GPC6: variants seen among roughly 807,000 people sequenced by gnomAD.
The protein encoded by GPC6 is glypican 6.
A neutral mutation model predicts 55.2 loss-of-function variants in GPC6; 14 were observed. That is an observed-to-expected ratio of 0.25 (90% CI 0.17 to 0.40). GPC6 has a LOEUF of 0.40. Among genes scored for constraint, GPC6 ranks in the 10% least tolerant of loss-of-function variants. GPC6 has a pLI of 1.00. For synonymous variants in GPC6, 278 were observed against 259.6 expected, an observed-to-expected ratio of 1.07 and a Z score of -0.68; for missense variants, 641 against 708.5, an observed-to-expected ratio of 0.90 and a Z score of 1.08.
intron 2 of GPC6, among the ~76,000 whole-genome samples, chr13:93,812,161 T>TGGGGG (rs1886716201): frequency 3.4e-5 from 1 of 29,604 alleles, no homozygotes; most frequent in Non-Finnish European, 6.6e-5. Context: ...GGGCGGGGGG[T>TGGGGG]GGGTGGATCA....
chr13:93,310,178 T>C (rs1003621107), intron 1 of GPC6, among the ~76,000 whole-genome samples: 9 of 152,224 alleles, frequency 5.9e-5, no homozygotes, highest in Non-Finnish European at 1.2e-4. Flanking sequence ...ACTTGATTAC[T>C]CTCTGTGACC....
At chr13:93,687,499 A>C (rs919259231) in intron 2 of GPC6, among the ~76,000 whole-genome samples, 1 of 152,090 alleles carries the variant, frequency 6.6e-6, no homozygotes, top group African/African-American at 2.4e-5. Context: ...TTGGTGTGCT[A>C]TATTAAGTAG....
chr13:93,684,104 G>A (rs1453899066), intron 2 of GPC6, among the ~76,000 whole-genome samples: 1 of 152,080 alleles, frequency 6.6e-6, no homozygotes, highest in African/African-American at 2.4e-5. Flanking sequence ...ATATGAAATT[G>A]GCAGAACACA....
chr13:93,802,541 G>C (rs1886408558), intron 2 of GPC6, among the ~76,000 whole-genome samples: 1 of 152,000 alleles, frequency 6.6e-6, no homozygotes, highest in Admixed American at 6.6e-5. Context: ...AGGATTAAAG[G>C]TGTATAACCA....
At chr13:93,269,930 T>TGATATGAGTAAGTTTAAAAGA (rs558065125) in intron 1 of GPC6, among the ~76,000 whole-genome samples, 49 of 144,022 alleles carry the variant, frequency 3.4e-4, no homozygotes, top group African/African-American at 9.3e-4. Flanking sequence ...ATGTGTGGTA[T>TGATATGAGTAAGTTTAAAAGA]GATATGAGTA....
chr13:93,741,117 CTTTTTTTTTTTTTTTT>C (rs772541106), intron 2 of GPC6, among the ~76,000 whole-genome samples: 1 of 77,184 alleles, frequency 1.3e-5, no homozygotes, highest in African/African-American at 5.1e-5. Context: ...CATCCAGAAT[CTTTTTTTTTTTTTTTT>C]TTTTTTTTGA....
intron 1 of GPC6, among the ~76,000 whole-genome samples, chr13:93,415,448 A>AT (rs1397882438): frequency 6.6e-6 from 1 of 151,998 alleles, no homozygotes; most frequent in African/African-American, 2.4e-5. Context: ...TTTTCTTAAT[A>AT]TTTTTATCGT....
At chr13:93,612,044 A>G (rs1006632228) in intron 2 of GPC6, among the ~76,000 whole-genome samples, 7 of 152,238 alleles carry the variant, frequency 4.6e-5, no homozygotes, top group Admixed American at 6.5e-5. Flanking sequence ...ACTGCTTAGT[A>G]AGGATACTAA....
chr13:93,377,187 T>C (rs1195446557), intron 1 of GPC6, among the ~76,000 whole-genome samples: 2 of 152,156 alleles, frequency 1.3e-5, no homozygotes, highest in African/African-American at 4.8e-5. Context: ...GGGTACTTCA[T>C]GCTTAGGGTA....
intron 3 of GPC6, among the ~76,000 whole-genome samples, chr13:93,866,444 A>C (rs562742681): frequency 6.6e-6 from 1 of 151,814 alleles, no homozygotes; most frequent in Admixed American, 6.6e-5. Context: ...CGCCGTTCGC[A>C]ATAGCAAAGA....
chr13:94,288,965 A>C (rs1210574132), intron 5 of GPC6, among the ~76,000 whole-genome samples: 2 of 139,878 alleles, frequency 1.4e-5, no homozygotes, highest in African/African-American at 2.8e-5. Flanking sequence ...ATAGATAGAT[A>C]GATAGATAAT....
chr13:93,793,553 G>A lies in GPC6; in HGVS notation c.320-36601G>A, dbSNP rs1886110872. On this transcript the variant is annotated intron_variant, in intron 2 of 8. Transcript: ENST00000377047. ...ATTCTCTTTCCTTGTGCACTACATT[G>A]TGCTGAGGGCTAGTGCACAAAGAGA... Among the ~76,000 whole-genome samples the A allele has an allele frequency of 2.6e-5, 4 of 151,856 alleles. No individual in the cohort carries two copies. The South Asian group carries it at 8.3e-4, about 32-fold the overall frequency.
intron 6 of GPC6, among the ~76,000 whole-genome samples, chr13:94,346,069 T>A (rs1878273427): frequency 1.6e-5 from 2 of 126,082 alleles, no homozygotes; most frequent in African/African-American, 6.3e-5. Context: ...TCACATGGCA[T>A]TTCCCTGCAT....
chr13:93,691,834 T>C (rs894988858), intron 2 of GPC6, among the ~76,000 whole-genome samples: 6 of 152,054 alleles, frequency 3.9e-5, no homozygotes, highest in African/African-American at 1.4e-4. Context: ...ACTTGTTCAG[T>C]AATCAAAAAA....
chr13:93,795,617 T>A (rs1482131068), intron 2 of GPC6, among the ~76,000 whole-genome samples: 1 of 152,240 alleles, frequency 6.6e-6, no homozygotes, highest in Non-Finnish European at 1.5e-5. Flanking sequence ...TTATTATGAA[T>A]GTTTGCCAAG....
chr13:94,402,518 G>C lies in GPC6; in HGVS notation c.1466-497G>C, dbSNP rs531689033. On this transcript the variant is annotated intron_variant, in intron 8 of 8. Transcript: ENST00000377047. ...AAAAACAATCCTGTTGGGTAGGGTG[G>C]GGGACCATGGATGGGGAGATTTTGC... Among the ~76,000 whole-genome samples, 11 of 152,214 alleles carry C rather than the reference G, an allele frequency of 7.2e-5. No individual in the cohort carries two copies. The East Asian group carries it at 2.1e-3, about 29-fold the overall frequency.
chr13:94,033,905 C>T (rs374604031), intron 4 of GPC6, among the ~76,000 whole-genome samples: 1 of 152,124 alleles, frequency 6.6e-6, no homozygotes, highest in Non-Finnish European at 1.5e-5. Context: ...AAACGCAACC[C>T]TGAAATTGAG....
At chr13:94,017,122 C>T (rs180769495) in intron 3 of GPC6, among the ~76,000 whole-genome samples, 95 of 152,264 alleles carry the variant, frequency 6.2e-4, no homozygotes, top group African/African-American at 2.1e-3. Flanking sequence ...TTTAAGCCAC[C>T]GTGCCTGGCC....
At chr13:93,244,814 C>T (rs1876545426) in intron 1 of GPC6, among the ~76,000 whole-genome samples, 1 of 152,150 alleles carries the variant, frequency 6.6e-6, no homozygotes, top group Non-Finnish European at 1.5e-5. Flanking sequence ...CACTTTTTCT[C>T]TTGAGTTCCT....
Sources: allele counts gnomAD v4.1 joint callset (sites outside exome capture counted in the v4.1 genomes callset), GRCh38; gene constraint gnomAD v4.1.1; transcripts MANE v1.5; gene names NCBI Gene and HGNC (gene_info 2026-07-23, HGNC 2026-07-21).